Variants in PRUNE2 observed in about 807,000 individuals in gnomAD.
PRUNE2 encodes the protein protein prune homolog 2.
In PRUNE2, 164 loss-of-function variants were observed where a neutral mutation model predicts 252.0. The ratio of observed to expected loss-of-function variants is 0.65; its 90% confidence interval spans 0.57 to 0.74. PRUNE2 has a LOEUF of 0.74. PRUNE2 is among the 30% of genes least tolerant of loss of function. The pLI is 0.00. For synonymous variants in PRUNE2, 1,292 were observed against 1,350.2 expected (o/e 0.96, Z 0.94); for missense variants, 3,495 against 3,711.0 (o/e 0.94, Z 1.51).
At chr9:76,677,732 T>C (rs368450168) in intron 9 of PRUNE2, among the ~76,000 whole-genome samples, 6 of 152,254 alleles carry the variant, frequency 3.9e-5, no homozygotes, top group Admixed American at 1.3e-4. Context: ...TGGTTGAAAA[T>C]TGAGTCACCT....
chr9:76,804,042 A>C (rs1187444653), intron 6 of PRUNE2, among the ~76,000 whole-genome samples: 2 of 151,882 alleles, frequency 1.3e-5, no homozygotes, highest in Admixed American at 6.6e-5. Context: ...GGCCTCTTGG[A>C]TGAGATCTAA....
At chr9:76,695,115 G>A (rs1005381052) in intron 9 of PRUNE2, among the ~76,000 whole-genome samples, 1 of 152,096 alleles carries the variant, frequency 6.6e-6, no homozygotes, top group South Asian at 2.1e-4. Context: ...AGCCCACTGC[G>A]ATCTCCATCT....
intron 6 of PRUNE2, among the ~76,000 whole-genome samples, chr9:76,803,581 C>T (rs528300287): frequency 3.9e-5 from 6 of 152,170 alleles, no homozygotes; most frequent in African/African-American, 1.2e-4. Flanking sequence ...AACCCCGTGT[C>T]GTAGTCAAAA....
At chr9:76,628,388 T>G (rs185838299) in intron 16 of PRUNE2, among the ~76,000 whole-genome samples, 6 of 152,294 alleles carry the variant, frequency 3.9e-5, no homozygotes, top group Admixed American at 2.0e-4. Flanking sequence ...CACCCACCAC[T>G]GGGCAAATGC....
At chr9:76,876,641 T>C (rs906105023) in intron 1 of PRUNE2, among the ~76,000 whole-genome samples, 5 of 152,082 alleles carry the variant, frequency 3.3e-5, no homozygotes, top group East Asian at 3.9e-4. Context: ...CCATTTTTAG[T>C]GGAATCAACA....
intron 1 of PRUNE2, among the ~76,000 whole-genome samples, chr9:76,864,170 T>C (rs1279547295): frequency 6.6e-6 from 1 of 152,136 alleles, no homozygotes; most frequent in East Asian, 1.9e-4. Flanking sequence ...ATGGAGGACA[T>C]TATCCTAAGC....
At chr9:76,702,513 T>C (rs139292060) in intron 9 of PRUNE2, among the ~76,000 whole-genome samples, 2 of 152,346 alleles carry the variant, frequency 1.3e-5, no homozygotes, top group East Asian at 3.9e-4. Flanking sequence ...CAGCAGAGAC[T>C]GGAAGCTTGA....
chr9:76,794,476 G>A lies in PRUNE2; in HGVS notation c.756+29156C>T, dbSNP rs138413983. Among the ~76,000 whole-genome samples the A allele has an allele frequency of 1.7e-3, 258 of 152,048 alleles. 1 individual carries two copies. The highest frequency in any genetic ancestry group is 5.9e-3 in the African/African-American group (244 of 41,476). ...CTAAAAATACAAAAATTAGCTGGGC[G>A]TAGTGGCCGGCGCCTGTAGTCCCAG... On this transcript the variant is annotated intron_variant, in intron 6 of 18. Transcript: ENST00000376718.
At chr9:76,819,595 T>C (rs1054608072) in intron 6 of PRUNE2, 1 of 152,204 alleles carries the variant, frequency 6.6e-6, no homozygotes, top group African/African-American at 2.4e-5. Flanking sequence ...TTATGCCAGC[T>C]CTAGCACACT....
chr9:76,772,122 G>A (rs979927053), intron 6 of PRUNE2, among the ~76,000 whole-genome samples: 9 of 152,088 alleles, frequency 5.9e-5, no homozygotes, highest in Non-Finnish European at 1.0e-4. Context: ...CCACCCTTCC[G>A]CCCTTGTAAG....
chr9:76,852,431 C>A (rs980248870), intron 2 of PRUNE2, among the ~76,000 whole-genome samples: 2 of 152,228 alleles, frequency 1.3e-5, no homozygotes, highest in Non-Finnish European at 2.9e-5. Context: ...TAGGTTCCAG[C>A]CCCAGTCTCT....
At chr9:76,661,556 T>C (rs890504009) in intron 9 of PRUNE2, among the ~76,000 whole-genome samples, 8 of 152,220 alleles carry the variant, frequency 5.3e-5, no homozygotes, top group African/African-American at 1.9e-4. Flanking sequence ...ATTACAGTAT[T>C]AATGCCCAGC....
intron 6 of PRUNE2, among the ~76,000 whole-genome samples, chr9:76,734,769 T>C (rs1277433490): frequency 6.6e-6 from 1 of 152,152 alleles, no homozygotes; most frequent in Non-Finnish European, 1.5e-5. Flanking sequence ...GGCCTAGCCA[T>C]ACTCTGTTCC....
rs193164370 is a variant in PRUNE2 at position 76,854,167 on chromosome 9, C to A, written c.78G>T (p.Gly26=). Residue 26 remains glycine, a synonymous_variant, in exon 2 of 19, where the codon GGG becomes GGT. Transcript: ENST00000376718. ...GAGAATCCAAGTCACACGATTTAGG[C>A]CCAATAACCACATGGACCTTCTCCA... ...KRLEKVHVVI[G]PKSCDLDSLI... 5 of 1,605,222 alleles carry A rather than the reference C, an allele frequency of 3.1e-6. No individual in the cohort carries two copies. Among genetic ancestry groups the A allele is most frequent in the African/African-American group, 1.3e-5 (1 of 74,918 alleles).
At chr9:76,794,593 G>A (rs1304148969) in intron 6 of PRUNE2, among the ~76,000 whole-genome samples, 4 of 138,166 alleles carry the variant, frequency 2.9e-5, no homozygotes, top group Non-Finnish European at 6.1e-5. Context: ...CCAGCCTGGC[G>A]ACAAAGAGAG....
chr9:76,656,419 C>A (rs1299733297), intron 9 of PRUNE2, among the ~76,000 whole-genome samples: 1 of 152,098 alleles, frequency 6.6e-6, no homozygotes, highest in Non-Finnish European at 1.5e-5. Context: ...ACATGATAAA[C>A]CTTTATGTTA....
In PRUNE2 at chr9:76,827,163, A is replaced by T. The variant is rs566033261; in HGVS notation, c.509-431T>A. Among the ~76,000 whole-genome samples the T allele has an allele frequency of 9.2e-5, 14 of 152,130 alleles. No individual in the cohort carries two copies. In the East Asian group the frequency reaches 2.7e-3, roughly 29 times the overall value. On this transcript the variant is annotated intron_variant, in intron 4 of 18. Coordinates refer to ENST00000376718, the MANE Select transcript of PRUNE2 (RefSeq NM_015225.3). The stretch of plus-strand genomic sequence containing the variant: ...ACTGTTTCCACTCATTATATTATTA[A>T]TTTTACATACAAACTTCTTCCTTTT...
At chr9:76,894,865 C>T (rs560460843) in intron 1 of PRUNE2, among the ~76,000 whole-genome samples, 1 of 151,982 alleles carries the variant, frequency 6.6e-6, no homozygotes, top group Non-Finnish European at 1.5e-5. Flanking sequence ...GCTAAAGACA[C>T]GCACACAAAA....
chr9:76,819,388 T>C (rs1310676288), intron 6 of PRUNE2: 2 of 152,180 alleles, frequency 1.3e-5, no homozygotes, highest in African/African-American at 4.8e-5. Context: ...GAGATCCAGG[T>C]GATGCTTCTA....
Sources: gnomAD v4.1 joint callset for allele counts (sites outside exome capture counted in the v4.1 genomes callset) on GRCh38, gnomAD v4.1.1 for gene constraint, MANE v1.5 for transcripts, NCBI Gene and HGNC (gene_info 2026-07-23, HGNC 2026-07-21) for gene names.